The following PTPRN2 variants were observed in gnomAD, a reference collection of about 807,000 sequenced individuals.
PTPRN2 encodes protein tyrosine phosphatase receptor type N2, also known as receptor-type tyrosine-protein phosphatase N2.
PTPRN2 carries 74 observed loss-of-function variants against 118.8 expected under a neutral mutation model. That is an observed-to-expected ratio of 0.62 (90% CI 0.52 to 0.76). PTPRN2 has a LOEUF of 0.76. Ranked by LOEUF, PTPRN2 falls within the 30% of genes least tolerant of loss-of-function variation. The pLI, the probability that PTPRN2 is intolerant of heterozygous loss-of-function variation, is 0.00. For missense variants in PTPRN2, 1,481 were observed against 1,394.4 expected, an observed-to-expected ratio of 1.06 and a Z score of -0.99; for synonymous variants, 641 against 608.0, an observed-to-expected ratio of 1.05 and a Z score of -0.80.
At chr7:157,672,119 C>T (rs79234706) in intron 13 of PTPRN2, among the ~76,000 whole-genome samples, 2,779 of 152,118 alleles carry the variant, frequency 0.018, 100 homozygotes, top group East Asian at 0.12. Context: ...TCAGCTCTGC[C>T]GCCTCACTTG....
At chr7:157,669,178 A>C (rs1079059) in intron 13 of PTPRN2, among the ~76,000 whole-genome samples, 3,824 of 151,834 alleles carry the variant, frequency 0.025, 177 homozygotes, top group African/African-American at 0.087. Context: ...GGCCACGCTC[A>C]CTTCTGGAGA....
chr7:158,125,845 A>G (rs1342491533), intron 9 of PTPRN2, among the ~76,000 whole-genome samples: 1 of 152,130 alleles, frequency 6.6e-6, no homozygotes, highest in Non-Finnish European at 1.5e-5. Flanking sequence ...TACTCTAACA[A>G]GGAAGGACGA....
At chr7:157,975,104 T>C (rs1211333577) in intron 11 of PTPRN2, among the ~76,000 whole-genome samples, 1 of 152,014 alleles carries the variant, frequency 6.6e-6, no homozygotes, top group Non-Finnish European at 1.5e-5. Context: ...GCCCAGCACA[T>C]TCTCCTCCTC....
At chr7:158,114,711 C>T (rs1373788768) in intron 9 of PTPRN2, among the ~76,000 whole-genome samples, 1 of 152,182 alleles carries the variant, frequency 6.6e-6, no homozygotes, top group Non-Finnish European at 1.5e-5. Context: ...CCGGCCACGG[C>T]CCTGGGGCCT....
intron 12 of PTPRN2, among the ~76,000 whole-genome samples, chr7:157,706,069 G>A (rs1054154683): frequency 2.0e-5 from 3 of 151,800 alleles, no homozygotes; most frequent in Admixed American, 2.0e-4. Flanking sequence ...AGAATGCCGG[G>A]AACTGAGCCA....
intron 1 of PTPRN2, among the ~76,000 whole-genome samples, chr7:158,502,659 A>T (rs993761870): frequency 1.3e-5 from 2 of 152,258 alleles, no homozygotes; most frequent in African/African-American, 4.8e-5. Flanking sequence ...CCAAACCTGG[A>T]CGTCACCACA....
At chr7:158,441,072 A>C (rs1219758389) in intron 2 of PTPRN2, among the ~76,000 whole-genome samples, 2 of 102,282 alleles carry the variant, frequency 2.0e-5, no homozygotes, top group African/African-American at 4.1e-5. Context: ...GGTGGTAGTG[A>C]TGGTGGTGCT....
At chr7:158,530,367 G>A (rs1825124068) in intron 1 of PTPRN2, among the ~76,000 whole-genome samples, 1 of 152,204 alleles carries the variant, frequency 6.6e-6, no homozygotes, top group Admixed American at 6.5e-5. Flanking sequence ...TGGACTGAAT[G>A]AGGGAAGGTG....
chr7:157,772,244 GAC>G (rs1222425222), intron 12 of PTPRN2, among the ~76,000 whole-genome samples: 2 of 131,634 alleles, frequency 1.5e-5, no homozygotes, highest in African/African-American at 6.4e-5. Context: ...CATACACACA[GAC>G]ACAGACGCAC....
At chr7:157,891,807 G>C (rs1180561289) in intron 12 of PTPRN2, among the ~76,000 whole-genome samples, 4 of 152,142 alleles carry the variant, frequency 2.6e-5, no homozygotes, top group African/African-American at 9.7e-5. Context: ...CAACTGCCTT[G>C]GAGCCCCCAG....
chr7:158,391,789 C>CG (rs1811949230), intron 2 of PTPRN2, among the ~76,000 whole-genome samples: 1 of 152,154 alleles, frequency 6.6e-6, no homozygotes, highest in Non-Finnish European at 1.5e-5. Flanking sequence ...TGGTCAGTAC[C>CG]GGGGGCGGGG....
At chr7:158,322,130 C>T (rs1203776589) in intron 2 of PTPRN2, among the ~76,000 whole-genome samples, 2 of 152,168 alleles carry the variant, frequency 1.3e-5, no homozygotes, top group Non-Finnish European at 2.9e-5. Flanking sequence ...CAGGTCAGTG[C>T]TATGCCTGCT....
In PTPRN2 at chr7:157,986,428, T is replaced by G. The variant is rs562667168; in HGVS notation, c.1724-87691A>C. ...CCAGAGAGGCAGGGCACCCCGTGTG[T>G]GGTCACCGTGGTCAGTGGCAGAGGT... On this transcript the variant is annotated intron_variant, in intron 11 of 22. Coordinates refer to ENST00000389418, the MANE Select transcript of PTPRN2 (RefSeq NM_002847.5). The surrounding 1 kb of genome is among the most constrained non-coding windows in gnomAD (Gnocchi z 4.5). Among the ~76,000 whole-genome samples, 4 of 152,198 alleles carry G rather than the reference T, an allele frequency of 2.6e-5. No homozygotes were observed. The highest frequency in any genetic ancestry group is 3.9e-4 in the East Asian group (2 of 5,134).
chr7:158,505,703 G>A (rs898801578), intron 1 of PTPRN2, among the ~76,000 whole-genome samples: 3 of 148,054 alleles, frequency 2.0e-5, no homozygotes, highest in African/African-American at 7.4e-5. Flanking sequence ...TGAAGTAGGA[G>A]GGAACGGAGG....
rs564712510 is a variant in PTPRN2 at position 157,636,825 on chromosome 7, C to A, written c.2197-15316G>T. Among the ~76,000 whole-genome samples, 127 of 152,350 alleles carry A rather than the reference C, an allele frequency of 8.3e-4. 1 individual carries two copies. Among genetic ancestry groups the A allele is most frequent in the African/African-American group, 2.9e-3 (122 of 41,574 alleles). On this transcript the variant is annotated intron_variant, in intron 14 of 22. Coordinates refer to ENST00000389418, the MANE Select transcript of PTPRN2 (RefSeq NM_002847.5). ...TTCCCGTCCATTTTAAACCTCTCTG[C>A]TTAGCAATAATTAAATCCTCTCATT...
At chr7:158,324,409 G>A (rs1803310952) in intron 2 of PTPRN2, among the ~76,000 whole-genome samples, 2 of 152,218 alleles carry the variant, frequency 1.3e-5, no homozygotes, top group Admixed American at 1.3e-4. Context: ...CCATCAGCTA[G>A]AAGCCTCATT....
chr7:157,768,966 T>A (rs1184094711), intron 12 of PTPRN2, among the ~76,000 whole-genome samples: 1 of 152,202 alleles, frequency 6.6e-6, no homozygotes, highest in East Asian at 1.9e-4. Context: ...TGTCAACACA[T>A]AATTACTGTC....
At chr7:158,315,796 A>G (rs1199531340) in intron 3 of PTPRN2, among the ~76,000 whole-genome samples, 1 of 152,252 alleles carries the variant, frequency 6.6e-6, no homozygotes, top group Admixed American at 6.5e-5. Flanking sequence ...GGTATGAAGT[A>G]CTAAGATATG....
At chr7:158,334,595 A>G (rs1189823455) in intron 2 of PTPRN2, among the ~76,000 whole-genome samples, 3 of 106,790 alleles carry the variant, frequency 2.8e-5, no homozygotes, top group African/African-American at 9.9e-5. Flanking sequence ...TCACACCCAC[A>G]CTCTCACCAT....
Sources: gnomAD v4.1 joint callset for allele counts (sites outside exome capture counted in the v4.1 genomes callset) on GRCh38, gnomAD v4.1.1 for gene constraint, Gnocchi (gnomAD v3.1) non-coding constraint, MANE v1.5 for transcripts, NCBI Gene and HGNC (gene_info 2026-07-23, HGNC 2026-07-21) for gene names.